The following FANCC variants were observed in gnomAD, a reference collection of about 807,000 sequenced individuals.
FANCC encodes Fanconi anemia group C protein.
A neutral mutation model predicts 71.3 loss-of-function variants in FANCC; 55 were observed. The ratio of observed to expected loss-of-function variants is 0.77; its 90% confidence interval spans 0.62 to 0.97. The LOEUF (loss-of-function observed/expected upper bound fraction) is 0.97, where lower values mean the gene tolerates loss of function less well. FANCC is among the 50% of genes least tolerant of loss of function. The pLI is 0.00. For missense variants in FANCC, 678 were observed against 670.9 expected (o/e 1.01, Z -0.12); for synonymous variants, 275 against 244.9 (o/e 1.12, Z -1.15).
chr9:95,192,510 T>C (rs1018470463), intron 4 of FANCC, among the ~76,000 whole-genome samples: 1 of 152,252 alleles, frequency 6.6e-6, no homozygotes, highest in Non-Finnish European at 1.5e-5. Context: ...AAAGTGAGGA[T>C]ATAACATTTT....
At chr9:95,165,168 T>C (rs1159627549) in intron 6 of FANCC, among the ~76,000 whole-genome samples, 8 of 151,904 alleles carry the variant, frequency 5.3e-5, no homozygotes, top group Admixed American at 4.6e-4. Context: ...TCTCTTTTTT[T>C]TTCTTAGTCT....
At chr9:95,162,676 T>C (rs574631591) in intron 6 of FANCC, among the ~76,000 whole-genome samples, 1 of 152,326 alleles carries the variant, frequency 6.6e-6, no homozygotes, top group South Asian at 2.1e-4. Context: ...ACTGGTATCT[T>C]ATTATGGTTC....
At chr9:95,131,487 C>G (rs915877195) in intron 8 of FANCC, among the ~76,000 whole-genome samples, 2 of 152,190 alleles carry the variant, frequency 1.3e-5, no homozygotes, top group South Asian at 4.1e-4. Context: ...AAACTCGCAA[C>G]GTGGGCCTCT....
intron 4 of FANCC, among the ~76,000 whole-genome samples, chr9:95,230,414 C>T (rs1024269458): frequency 6.6e-6 from 1 of 152,136 alleles, no homozygotes. Flanking sequence ...AACCAGTTTC[C>T]AATGCAAAAT....
intron 1 of FANCC, among the ~76,000 whole-genome samples, chr9:95,313,105 G>T (rs1022460137): frequency 2.0e-5 from 3 of 152,244 alleles, no homozygotes; most frequent in Admixed American, 6.5e-5. Flanking sequence ...ACAGAAGCCG[G>T]CGCTGCAGAA....
At chr9:95,221,102 T>C (rs895065838) in intron 4 of FANCC, among the ~76,000 whole-genome samples, 1 of 151,880 alleles carries the variant, frequency 6.6e-6, no homozygotes, top group Non-Finnish European at 1.5e-5. Context: ...CATGGTGGCA[T>C]GCACCTGTAG....
At chr9:95,195,196 C>CAAA (rs34771312) in intron 4 of FANCC, among the ~76,000 whole-genome samples, 75 of 42,536 alleles carry the variant, frequency 1.8e-3, no homozygotes, top group Middle Eastern at 0.036. Context: ...GACTCCGTCT[C>CAAA]AAAAAAAAAA....
rs916425232 is a variant in FANCC at position 95,099,431 on chromosome 9, C to T, written c.*2276G>A. The T allele has an allele frequency of 8.8e-6, 2 of 226,548 alleles. No individual in the cohort carries two copies. The highest frequency in any genetic ancestry group is 1.9e-4 in the South Asian group (1 of 5,144). 14.0% of individuals were successfully genotyped at this position (226,548 alleles called of 1,614,324 possible). ...AACGCCGTCAAGGCCCCCTCGGCCA[C>T]GCCGCGTCCCCGCCCAGCATCTCGG... On this transcript the variant is annotated 3_prime_UTR_variant, in exon 15 of 15. Transcript: ENST00000289081.
At chr9:95,272,995 C>T (rs1021089273) in intron 1 of FANCC, among the ~76,000 whole-genome samples, 6 of 152,220 alleles carry the variant, frequency 3.9e-5, no homozygotes, top group Non-Finnish European at 5.9e-5. Flanking sequence ...CCATCCATCC[C>T]GTTAGAACCC....
intron 2 of FANCC, among the ~76,000 whole-genome samples, chr9:95,247,838 T>C (rs1235267031): frequency 6.6e-6 from 1 of 152,216 alleles, no homozygotes; most frequent in Non-Finnish European, 1.5e-5. Context: ...TAAAGACTGC[T>C]TAAGAGTTGA....
chr9:95,294,613 C>A, intron 1 of FANCC: 1 of 1,565,250 alleles, frequency 6.4e-7, no homozygotes, highest in South Asian at 1.1e-5. Context: ...AAGCAAAGTT[C>A]AGTTGAACAG....
chr9:95,256,493 A>G lies in FANCC; in HGVS notation c.-78-7124T>C, dbSNP rs149003825. On this transcript the variant is annotated intron_variant, in intron 1 of 14. Transcript: ENST00000289081. Reference sequence around the variant, plus strand: ...TTTGCAGACAGGCAAATGCTGAGAGATTCTGTCACCACCAGGCCTGCCTTA... The same window carrying G: ...TTTGCAGACAGGCAAATGCTGAGAGGTTCTGTCACCACCAGGCCTGCCTTA... Among the ~76,000 whole-genome samples, 28 of 152,314 alleles carry G rather than the reference A, an allele frequency of 1.8e-4. No homozygotes were observed. The East Asian group carries it at 5.4e-3, about 29-fold the overall frequency.
chr9:95,228,583 A>G (rs951514663), intron 4 of FANCC, among the ~76,000 whole-genome samples: 1 of 152,240 alleles, frequency 6.6e-6, no homozygotes, highest in East Asian at 1.9e-4. Context: ...CTCATGGAAC[A>G]TGTAACTTAG....
intron 11 of FANCC, 63 bp downstream of exon 11, chr9:95,117,252 A>G (rs377138405): frequency 3.4e-6 from 5 of 1,451,358 alleles, no homozygotes; most frequent in Non-Finnish European, 4.8e-6. Flanking sequence ...TGAGGAGGTC[A>G]TAATTTGACA....
rs562916835 is a variant in FANCC, at chr9:95,187,632, C to G, written c.346-15485G>C. Among the ~76,000 whole-genome samples, 520 of 152,178 alleles carry G rather than the reference C, an allele frequency of 3.4e-3. 3 individuals carry two copies. The highest frequency in any genetic ancestry group is 4.7e-3 in the Non-Finnish European group (322 of 67,998). ...TGTTCTTCCAACAGGACAAACACCC[C>G]CTTTCCACTGCACTGTAAAGTCTGG... On this transcript the variant is annotated intron_variant, in intron 4 of 14. Transcript: ENST00000289081.
At chr9:95,201,401 T>G (rs1183776784) in intron 4 of FANCC, among the ~76,000 whole-genome samples, 1 of 152,080 alleles carries the variant, frequency 6.6e-6, no homozygotes, top group Non-Finnish European at 1.5e-5. Flanking sequence ...GGCGTGAAGT[T>G]CCATTTGAAA....
intron 6 of FANCC, among the ~76,000 whole-genome samples, chr9:95,151,935 A>C (rs1018028320): frequency 6.6e-6 from 1 of 151,820 alleles, no homozygotes. Context: ...CTCAAAAAAA[A>C]AAAAACAAAA....
At chr9:95,288,433 T>C (rs974301116) in intron 1 of FANCC, among the ~76,000 whole-genome samples, 6 of 152,248 alleles carry the variant, frequency 3.9e-5, no homozygotes, top group South Asian at 2.1e-4. Flanking sequence ...ATTCTTTGAA[T>C]AGGCTTTGAC....
rs1358254882 is a variant in FANCC, at chr9:95,101,584, C to G, written c.*123G>C. ...GCAGATTGTCCCAAGATGTGTACAG[C>G]TCATTCTCACAGCCCAGCGAGGGCA... On this transcript the variant is annotated 3_prime_UTR_variant, in exon 15 of 15. Transcript: ENST00000289081. 8 of 1,182,432 alleles carry G rather than the reference C, an allele frequency of 6.8e-6. No individual in the cohort carries two copies. The highest frequency in any genetic ancestry group is 2.5e-5 in the East Asian group (1 of 40,118). 73.2% of individuals were successfully genotyped at this position (1,182,432 alleles called of 1,614,324 possible). A position where few individuals can be genotyped will look rare whatever the true frequency, so the allele number is the denominator to read the frequency against.
Sources: allele counts gnomAD v4.1 joint callset (sites outside exome capture counted in the v4.1 genomes callset), GRCh38; gene constraint gnomAD v4.1.1; transcripts MANE v1.5; gene names NCBI Gene and HGNC (gene_info 2026-07-23, HGNC 2026-07-21).